CCDC170: variants seen among roughly 807,000 people sequenced by gnomAD.
CCDC170 encodes coiled-coil domain-containing protein 170.
Under a neutral mutation model 72.6 loss-of-function variants are expected in CCDC170, and 69 were observed. The observed-to-expected ratio is 0.95, with a 90% CI of 0.78 to 1.16. The LOEUF is 1.16. Among genes scored for constraint, CCDC170 ranks in the 50% most tolerant of loss-of-function variants. The pLI is 0.00. For missense variants in CCDC170, 852 were observed against 832.5 expected (o/e 1.02, Z -0.29); for synonymous variants, 300 against 303.9 (o/e 0.99, Z 0.13).
intron 1 of CCDC170, among the ~76,000 whole-genome samples, chr6:151,520,762 A>C (rs1412920453): frequency 6.6e-6 from 1 of 152,150 alleles, no homozygotes; most frequent in Non-Finnish European, 1.5e-5. Flanking sequence ...TGTGGCCCCC[A>C]GCTAGGAACT....
chr6:151,577,061 GT>G (rs1405301325), intron 6 of CCDC170, among the ~76,000 whole-genome samples: 10 of 152,062 alleles, frequency 6.6e-5, no homozygotes, highest in African/African-American at 1.9e-4. Context: ...ATTTCTACTT[GT>G]TCCTTGCATA....
At chr6:151,596,292 T>C (rs3757320) in intron 8 of CCDC170, 43 bp from the exon 9 acceptor site, 107,654 of 1,542,298 alleles carry the variant, frequency 0.07, 4,146 homozygotes, top group African/African-American at 0.12. Context: ...TATTTACTAT[T>C]GTTCAATTAT....
chr6:151,587,249 T>C (rs917674997), intron 7 of CCDC170, among the ~76,000 whole-genome samples: 1 of 152,042 alleles, frequency 6.6e-6, no homozygotes, highest in African/African-American at 2.4e-5. Context: ...CTGTCAGTGA[T>C]CTTTGAGAGG....
intron 8 of CCDC170, 111 bp from the exon 9 acceptor site, chr6:151,596,224 A>G (rs535495614): frequency 1.0e-4 from 129 of 1,275,154 alleles, no homozygotes; most frequent in Non-Finnish European, 1.2e-4. Context: ...TTGATGGTTT[A>G]CAAATTACTC....
intron 5 of CCDC170, among the ~76,000 whole-genome samples, chr6:151,559,924 T>TA (rs1279665120): frequency 1.3e-4 from 5 of 38,254 alleles, no homozygotes; most frequent in Admixed American, 8.1e-4. Context: ...TCCTTTTATA[T>TA]TTTTTTGGCT....
At chr6:151,535,970 G>A (rs1310818940) in intron 1 of CCDC170, among the ~76,000 whole-genome samples, 1 of 152,088 alleles carries the variant, frequency 6.6e-6, no homozygotes, top group Non-Finnish European at 1.5e-5. Context: ...TATCTGGTCA[G>A]GCTGGTCTGG....
At chr6:151,495,660 T>A (rs973842657) in intron 1 of CCDC170, among the ~76,000 whole-genome samples, 1 of 152,098 alleles carries the variant, frequency 6.6e-6, no homozygotes, top group African/African-American at 2.4e-5. Context: ...GATGCCTGGA[T>A]AATTTTTGTG....
At chr6:151,537,765 T>A (rs1478271359) in intron 2 of CCDC170, among the ~76,000 whole-genome samples, 1 of 152,216 alleles carries the variant, frequency 6.6e-6, no homozygotes, top group Non-Finnish European at 1.5e-5. Context: ...TGCAAAATAT[T>A]TTATTGCTTA....
intron 9 of CCDC170, among the ~76,000 whole-genome samples, chr6:151,613,720 A>G (rs1213793017): frequency 6.6e-6 from 1 of 152,042 alleles, no homozygotes; most frequent in African/African-American, 2.4e-5. Flanking sequence ...GCTATACCAC[A>G]TTTTGTTTTT....
intron 9 of CCDC170, 133 bp downstream of exon 9, chr6:151,596,710 G>A: frequency 7.6e-7 from 1 of 1,308,472 alleles, no homozygotes; most frequent in Non-Finnish European, 1.0e-6. Context: ...CTAGAATTAT[G>A]GGAAAAATGC....
chr6:151,555,686 A>G (rs987027528), intron 5 of CCDC170, among the ~76,000 whole-genome samples: 2 of 152,214 alleles, frequency 1.3e-5, no homozygotes, highest in Admixed American at 6.5e-5. Flanking sequence ...TAGAGTCTCT[A>G]TAATTCAACT....
intron 9 of CCDC170, among the ~76,000 whole-genome samples, chr6:151,612,387 C>T (rs1388645693): frequency 1.3e-5 from 2 of 152,184 alleles, no homozygotes; most frequent in Non-Finnish European, 2.9e-5. Flanking sequence ...AATCAGGAAT[C>T]GAGCAACTAA....
intron 4 of CCDC170, among the ~76,000 whole-genome samples, chr6:151,546,986 T>C (rs1197724794): frequency 1.8e-5 from 2 of 109,662 alleles, no homozygotes; most frequent in African/African-American, 3.6e-5. Context: ...AGCAGGTGCC[T>C]GTCTTAAGAA....
At chr6:151,558,368 T>C (rs1274203348) in intron 5 of CCDC170, among the ~76,000 whole-genome samples, 3 of 152,090 alleles carry the variant, frequency 2.0e-5, no homozygotes, top group Non-Finnish European at 4.4e-5. Context: ...CCCTGTTGAT[T>C]GTTCCTTGTG....
At position 151,595,720 on chromosome 6, in the gene CCDC170, G is replaced by C. The variant is rs9397432; in HGVS notation, c.1468-615G>C. ...AAGTCCCAGCTACTTGGGCGGCTGA[G>C]AGGTGGAAGGATTGCTTGAGCCTGA... On this transcript the variant is annotated intron_variant, in intron 8 of 10. Coordinates refer to ENST00000239374, the MANE Select transcript of CCDC170 (RefSeq NM_025059.4). Among the ~76,000 whole-genome samples the C allele has an allele frequency of 0.032, 4,833 of 152,208 alleles. 457 individuals carry two copies. In the East Asian group the frequency reaches 0.35, roughly 11 times the overall value.
chr6:151,555,565 G>A (rs900472344), intron 5 of CCDC170, among the ~76,000 whole-genome samples: 2 of 152,172 alleles, frequency 1.3e-5, no homozygotes, highest in Non-Finnish European at 2.9e-5. Flanking sequence ...ACTAGCTAAT[G>A]TTCAACCTTT....
chr6:151,593,380 A>G (rs926971832), intron 8 of CCDC170, 100 bp downstream of exon 8: 28 of 1,235,840 alleles, frequency 2.3e-5, no homozygotes, highest in Non-Finnish European at 3.0e-5. Flanking sequence ...CAGTGTAGCT[A>G]GGAAGGCTCT....
chr6:151,584,780 C>T (rs979618214), intron 6 of CCDC170, among the ~76,000 whole-genome samples: 2 of 152,134 alleles, frequency 1.3e-5, no homozygotes, highest in South Asian at 2.1e-4. Context: ...TCCTTTTGTT[C>T]TCCCATATAA....
chr6:151,550,998 G>A (rs1044206022), intron 5 of CCDC170, among the ~76,000 whole-genome samples: 5 of 151,882 alleles, frequency 3.3e-5, no homozygotes, highest in East Asian at 3.9e-4. Context: ...AAGTAATTGC[G>A]GTTTTTGCAA....
Sources: gnomAD v4.1 joint callset for allele counts (sites outside exome capture counted in the v4.1 genomes callset) on GRCh38, gnomAD v4.1.1 for gene constraint, MANE v1.5 for transcripts, NCBI Gene and HGNC (gene_info 2026-07-23, HGNC 2026-07-21) for gene names.